ERGIC2: variants seen among roughly 807,000 people sequenced by gnomAD.
The protein encoded by ERGIC2 is ERGIC and golgi 2, also known as endoplasmic reticulum-Golgi intermediate compartment protein 2.
In ERGIC2, 31 loss-of-function variants were observed where a neutral mutation model predicts 52.5. That is an observed-to-expected ratio of 0.59 (90% CI 0.44 to 0.80). The LOEUF (loss-of-function observed/expected upper bound fraction) is 0.80, where lower values mean the gene tolerates loss of function less well. Among genes scored for constraint, ERGIC2 ranks in the 30% least tolerant of loss-of-function variants. The pLI is 0.00. For synonymous variants in ERGIC2, 129 were observed against 140.6 expected, an observed-to-expected ratio of 0.92 and a Z score of 0.58; for missense variants, 395 against 455.2, an observed-to-expected ratio of 0.87 and a Z score of 1.20.
chr12:29,347,839 T>C (rs992203558), intron 10 of ERGIC2, among the ~76,000 whole-genome samples: 1 of 152,204 alleles, frequency 6.6e-6, no homozygotes, highest in Non-Finnish European at 1.5e-5. Flanking sequence ...CCTAACGGCA[T>C]TTCAGAATAT....
intron 13 of ERGIC2, 91 bp from the exon 14 acceptor site, chr12:29,341,309 C>T: frequency 1.0e-6 from 1 of 968,816 alleles, no homozygotes. Context: ...TTTGGGCAAT[C>T]CTTTCTAGTA....
chr12:29,381,087 A>T (rs73274821), intron 1 of ERGIC2, 28 bp downstream of exon 1: 1 of 152,222 alleles, frequency 6.6e-6, no homozygotes, highest in Non-Finnish European at 1.5e-5. Flanking sequence ...CCGAGGGAAC[A>T]GCACCCAGCG....
At chr12:29,364,484 T>C (rs894288102) in intron 5 of ERGIC2, among the ~76,000 whole-genome samples, 1 of 151,840 alleles carries the variant, frequency 6.6e-6, no homozygotes. Flanking sequence ...TAAATGACCT[T>C]AAACTATAAG....
At position 29,338,426 on chromosome 12, in the gene ERGIC2, C is replaced by G. The variant is rs189617888; in HGVS notation, c.*2730G>C. 6.6e-6 allele frequency: 1 copy of G among 152,048 alleles called. No homozygotes were observed. The highest frequency in any genetic ancestry group is 6.6e-5 in the Admixed American group (1 of 15,252). 9.4% of individuals were successfully genotyped at this position (152,048 alleles called of 1,614,324 possible). Reference sequence around the variant, plus strand: ...GCAGGAGACTAAGGTGGGAGGATTACTTGAGTCCGGGAGTTGGAGTCCAGC... The same window carrying G: ...GCAGGAGACTAAGGTGGGAGGATTAGTTGAGTCCGGGAGTTGGAGTCCAGC... On this transcript the variant is annotated 3_prime_UTR_variant, in exon 14 of 14. Coordinates refer to ENST00000360150, the MANE Select transcript of ERGIC2 (RefSeq NM_016570.3).
chr12:29,357,729 A>C lies in ERGIC2; in HGVS notation c.375-5T>G. ...CTCTGAATCAGCTGCAGCATCCTAAATAAGAAGCAATAATTTAGAACTACA... is the reference window on the plus strand; with the variant it reads ...CTCTGAATCAGCTGCAGCATCCTAACTAAGAAGCAATAATTTAGAACTACA... On this transcript the variant is annotated splice_region_variant and splice_polypyrimidine_tract_variant and intron_variant, in intron 6 of 13. Coordinates refer to ENST00000360150, the MANE Select transcript of ERGIC2 (RefSeq NM_016570.3). The C allele has an allele frequency of 6.6e-7, 1 of 1,511,644 alleles. No individual in the cohort carries two copies. The highest frequency in any genetic ancestry group is 9.2e-7 in the Non-Finnish European group (1 of 1,087,954). The allele number at this position is 1,511,644 out of a possible 1,614,324, so 93.6% of individuals were successfully genotyped here. A position where few individuals can be genotyped will look rare whatever the true frequency, so the allele number is the denominator to read the frequency against.
intron 1 of ERGIC2, among the ~76,000 whole-genome samples, chr12:29,380,216 T>C (rs1187029386): frequency 2.0e-5 from 3 of 152,210 alleles, no homozygotes. Flanking sequence ...AATAACCATG[T>C]CTTTTTTCAG....
intron 10 of ERGIC2, among the ~76,000 whole-genome samples, chr12:29,346,781 T>G (rs551390752): frequency 1.3e-5 from 2 of 152,344 alleles, no homozygotes; most frequent in South Asian, 4.1e-4. Context: ...TACCAATTAC[T>G]AATTAACTGT....
chr12:29,358,070 CTGAA>C (rs1339051433), intron 6 of ERGIC2, among the ~76,000 whole-genome samples: 1 of 152,132 alleles, frequency 6.6e-6, no homozygotes, highest in Admixed American at 6.5e-5. Context: ...TTGTCAGACA[CTGAA>C]TGAAATATTG....
At chr12:29,350,103 C>A in intron 8 of ERGIC2, 35 bp from the exon 9 acceptor site, 1 of 1,202,640 alleles carries the variant, frequency 8.3e-7, no homozygotes, top group Non-Finnish European at 1.2e-6. Flanking sequence ...AAAGTAGTAC[C>A]ATTTATATGT....
chr12:29,370,100 A>C lies in ERGIC2; in HGVS notation c.215+14T>G. ...TGAATCTAAAGGTATTCCAAGAAGA[A>C]AAAAAATGATTACCTAGAAAAATCC... On this transcript the variant is annotated intron_variant, in intron 3 of 13. Transcript: ENST00000360150. 6.7e-7 allele frequency: 1 copy of C among 1,493,676 alleles called. No individual in the cohort carries two copies. The highest frequency in any genetic ancestry group is 8.8e-7 in the Non-Finnish European group (1 of 1,132,026). 92.5% of individuals were successfully genotyped at this position (1,493,676 alleles called of 1,614,324 possible).
In ERGIC2 at chr12:29,341,779, T is replaced by C; in HGVS notation, c.1026A>G (p.Ile342Met). 6.2e-7 allele frequency: 1 copy of C among 1,601,748 alleles called. No homozygotes were observed. Among genetic ancestry groups the C allele is most frequent in the Non-Finnish European group, 8.6e-7 (1 of 1,168,822 alleles). ...ATCCAAGTCTGAAACGACAGCAAAT[T>C]ATTTCAACTATAAATTTTCCAATTC... ...LHGIGKFIVEIICCRFRLGSY... is the reference protein window; with the variant it reads ...LHGIGKFIVEMICCRFRLGSY... Residue 342 changes from isoleucine to methionine, a missense_variant, in exon 13 of 14, where the codon ATA (isoleucine) becomes ATG (methionine). By Grantham distance (10) the Ile-to-Met change is conservative. Coordinates refer to ENST00000360150, the MANE Select transcript of ERGIC2 (RefSeq NM_016570.3).
intron 1 of ERGIC2, among the ~76,000 whole-genome samples, chr12:29,380,296 C>G (rs569433655): frequency 1.3e-5 from 2 of 152,106 alleles, no homozygotes; most frequent in Non-Finnish European, 2.9e-5. Context: ...AGGCAATTAA[C>G]TGAAATACTG....
In ERGIC2 at chr12:29,339,339, T is replaced by A. The variant is rs1030970104; in HGVS notation, c.*1817A>T. ...CTAAATGAAAGAAAATAATCCTAAA[T>A]CAATATTGTTCTCCCTCCCATTTAG... On this transcript the variant is annotated 3_prime_UTR_variant, in exon 14 of 14. Transcript: ENST00000360150. 1.3e-5 allele frequency: 2 copies of A among 152,112 alleles called. No individual in the cohort carries two copies. The highest frequency in any genetic ancestry group is 4.8e-5 in the African/African-American group (2 of 41,432). 9.4% of individuals were successfully genotyped at this position (152,112 alleles called of 1,614,324 possible). A position where few individuals can be genotyped will look rare whatever the true frequency, so the allele number is the denominator to read the frequency against.
intron 2 of ERGIC2, among the ~76,000 whole-genome samples, chr12:29,371,176 G>C (rs1940435224): frequency 6.6e-6 from 1 of 151,894 alleles, no homozygotes; most frequent in South Asian, 2.1e-4. Context: ...GTAACCCCTA[G>C]GAGGTAAATA....
intron 10 of ERGIC2, 104 bp from the exon 11 acceptor site, chr12:29,345,644 T>G (rs1940037474): frequency 5.6e-6 from 4 of 715,230 alleles, no homozygotes; most frequent in Non-Finnish European, 1.0e-5. Context: ...CTGGATGTGG[T>G]GGCTCACACC....
chr12:29,358,496 C>T (rs1038816060), intron 6 of ERGIC2, among the ~76,000 whole-genome samples: 3 of 152,018 alleles, frequency 2.0e-5, no homozygotes, highest in Non-Finnish European at 2.9e-5. Flanking sequence ...ACAGAATGTA[C>T]GTTCAACACC....
At chr12:29,360,299 T>A (rs183685394) in intron 6 of ERGIC2, among the ~76,000 whole-genome samples, 2 of 151,852 alleles carry the variant, frequency 1.3e-5, no homozygotes, top group African/African-American at 2.4e-5. Flanking sequence ...GTTTTTAATA[T>A]TAGAATTCTA....
At chr12:29,366,808 A>G in intron 5 of ERGIC2, 69 bp downstream of exon 5, 1 of 814,930 alleles carries the variant, frequency 1.2e-6, no homozygotes, top group Non-Finnish European at 1.9e-6. Flanking sequence ...AACTAAAAGC[A>G]ACTATCTGTC....
At chr12:29,363,147 C>CACAGAT in intron 5 of ERGIC2, among the ~76,000 whole-genome samples, 1 of 152,278 alleles carries the variant, frequency 6.6e-6, no homozygotes, top group South Asian at 2.1e-4. Context: ...TTTCCAAAAT[C>CACAGAT]ACAGATAGTA....
Sources: allele counts gnomAD v4.1 joint callset (sites outside exome capture counted in the v4.1 genomes callset), GRCh38; gene constraint gnomAD v4.1.1; transcripts MANE v1.5; gene names NCBI Gene and HGNC (gene_info 2026-07-23, HGNC 2026-07-21).